The following MROH1 variants were observed in gnomAD, a reference collection of about 807,000 sequenced individuals.
The protein encoded by MROH1 is maestro heat-like repeat-containing protein family member 1.
Under a neutral mutation model 116.5 loss-of-function variants are expected in MROH1, and 117 were observed. The observed-to-expected ratio is 1.00, with a 90% confidence interval of 0.86 to 1.17. The LOEUF is 1.17. Among genes scored for constraint, MROH1 ranks in the 50% most tolerant of loss-of-function variants. The pLI is 0.00. For synonymous variants in MROH1, 921 were observed against 583.9 expected, an observed-to-expected ratio of 1.58 and a Z score of -8.32; for missense variants, 1,873 against 1,338.5, an observed-to-expected ratio of 1.40 and a Z score of -6.23.
intron 7 of MROH1, among the ~76,000 whole-genome samples, chr8:144,181,253 C>G (rs905690091): frequency 5.1e-5 from 1 of 19,676 alleles, no homozygotes; most frequent in Non-Finnish European, 9.2e-5. Flanking sequence ...GCCGTTAGTT[C>G]CAGGCAGCAG....
intron 32 of MROH1, among the ~76,000 whole-genome samples, chr8:144,249,562 C>A (rs1842492153): frequency 6.6e-6 from 1 of 152,138 alleles, no homozygotes; most frequent in Non-Finnish European, 1.5e-5. Context: ...CAAGGCCGTC[C>A]CCCAGAGTGA....
intron 1 of MROH1, among the ~76,000 whole-genome samples, chr8:144,153,589 T>G (rs1817364716): frequency 6.6e-6 from 1 of 152,162 alleles, no homozygotes; most frequent in Non-Finnish European, 1.5e-5. Context: ...ATATGCCACA[T>G]TTTCTTTATT....
At position 144,245,201 on chromosome 8, in the gene MROH1, C is replaced by T. The variant is rs1200107487; in HGVS notation, c.2812C>T (p.Arg938Trp). ...GTCCCCAAGAGGTCACGAGCGGGCGCGGGCCCTGGGCCTGAGCGCCCTCCT... is the reference window on the plus strand; with the variant it reads ...GTCCCCAAGAGGTCACGAGCGGGCGTGGGCCCTGGGCCTGAGCGCCCTCCT... The part of the protein sequence containing the change: ...IKSPRGHERA[R>W]ALGLSALLLR... The change falls in exon 29 of 44, where the codon CGG becomes TGG. Residue 938 changes from arginine (R) to tryptophan (W), a missense_variant. By Grantham distance (101) the Arg-to-Trp change is moderately radical. Transcript: ENST00000326134. The T allele has an allele frequency of 2.6e-6, 2 of 779,244 alleles. No homozygotes were observed. Among genetic ancestry groups the T allele is most frequent in the Non-Finnish European group, 2.4e-6 (1 of 417,786 alleles). The allele number at this position is 779,244 out of a possible 1,614,324, so 48.3% of individuals were successfully genotyped here.
intron 7 of MROH1, among the ~76,000 whole-genome samples, chr8:144,190,120 A>C (rs1382362578): frequency 6.6e-6 from 1 of 152,190 alleles, no homozygotes; most frequent in African/African-American, 2.4e-5. Flanking sequence ...GCCTCGCCCC[A>C]GTCTGTGCCT....
intron 12 of MROH1, among the ~76,000 whole-genome samples, chr8:144,211,241 A>C (rs1339947954): frequency 6.6e-6 from 1 of 152,226 alleles, no homozygotes; most frequent in Admixed American, 6.5e-5. Context: ...GTCATGTGAT[A>C]TGTGGTATTC....
At chr8:144,162,174 T>TC in intron 2 of MROH1, among the ~76,000 whole-genome samples, 1 of 143,668 alleles carries the variant, frequency 7.0e-6, no homozygotes, top group African/African-American at 2.6e-5. Context: ...GACCTCCACC[T>TC]CCCGGGTGCA....
chr8:144,208,152 C>T (rs1173173741), intron 12 of MROH1, among the ~76,000 whole-genome samples: 1 of 152,156 alleles, frequency 6.6e-6, no homozygotes, highest in East Asian at 1.9e-4. Flanking sequence ...CCATGTTGAT[C>T]AGGCTGGTCT....
At chr8:144,178,005 C>T (rs1824482877) in intron 4 of MROH1, among the ~76,000 whole-genome samples, 2 of 151,342 alleles carry the variant, frequency 1.3e-5, no homozygotes, top group Non-Finnish European at 2.9e-5. Context: ...TGCTCTGTCG[C>T]CCAGGCTGGA....
At chr8:144,222,011 G>T (rs957106666) in intron 13 of MROH1, among the ~76,000 whole-genome samples, 1 of 124,658 alleles carries the variant, frequency 8.0e-6, no homozygotes, top group Admixed American at 8.1e-5. Flanking sequence ...GTTACTGGGC[G>T]AGGCTGGACA....
intron 12 of MROH1, chr8:144,213,055 G>A (rs754346261): frequency 9.0e-6 from 7 of 779,576 alleles, no homozygotes; most frequent in South Asian, 6.7e-5. Flanking sequence ...TGAAACATGA[G>A]GACTGCCCTG....
chr8:144,234,119 C>T (rs1022787193), intron 14 of MROH1, among the ~76,000 whole-genome samples: 16 of 152,124 alleles, frequency 1.1e-4, no homozygotes, highest in African/African-American at 2.4e-4. Context: ...ACGCCATTCT[C>T]CTGCCTCAGC....
At chr8:144,259,708 G>T (rs1264550214) in intron 37 of MROH1, among the ~76,000 whole-genome samples, 1 of 152,272 alleles carries the variant, frequency 6.6e-6, no homozygotes, top group South Asian at 2.1e-4. Flanking sequence ...CCAAGGCCGT[G>T]CAGCAGAGCA....
intron 11 of MROH1, among the ~76,000 whole-genome samples, chr8:144,199,652 G>C (rs914964284): frequency 8.5e-5 from 13 of 152,210 alleles, no homozygotes. Flanking sequence ...CCTATGCCCT[G>C]CACAGGCCCT....
chr8:144,201,404 T>C (rs1219544206), intron 12 of MROH1, among the ~76,000 whole-genome samples: 1 of 152,110 alleles, frequency 6.6e-6, no homozygotes, highest in African/African-American at 2.4e-5. Context: ...AAACATACCA[T>C]TTTTCACAAG....
chr8:144,253,796 G>A (rs1199332265), intron 33 of MROH1, among the ~76,000 whole-genome samples: 1 of 152,030 alleles, frequency 6.6e-6, no homozygotes, highest in African/African-American at 2.4e-5. Flanking sequence ...TCCTAGTTCA[G>A]TGGAGTTTGC....
At chr8:144,181,117 C>T (rs978344360) in intron 7 of MROH1, among the ~76,000 whole-genome samples, 9 of 152,176 alleles carry the variant, frequency 5.9e-5, no homozygotes, top group East Asian at 1.9e-4. Flanking sequence ...TCACAGCCCA[C>T]GGCCTCGTGC....
chr8:144,218,176 C>G (rs1433969789), intron 12 of MROH1, among the ~76,000 whole-genome samples: 1 of 152,160 alleles, frequency 6.6e-6, no homozygotes, highest in Non-Finnish European at 1.5e-5. Flanking sequence ...TGGCAGTTTG[C>G]TGTCATAAAC....
chr8:144,249,980 C>T (rs1403795704), intron 32 of MROH1, among the ~76,000 whole-genome samples: 3 of 152,226 alleles, frequency 2.0e-5, no homozygotes, highest in African/African-American at 7.2e-5. Context: ...CCTCTACCTC[C>T]CGGGGCACTG....
chr8:144,206,588 A>G (rs2131997710), intron 12 of MROH1, among the ~76,000 whole-genome samples: 1 of 151,390 alleles, frequency 6.6e-6, no homozygotes, highest in African/African-American at 2.4e-5. Flanking sequence ...ACACCCGGCT[A>G]ATTTTTGTAT....
Sources: gnomAD v4.1 joint callset for allele counts (sites outside exome capture counted in the v4.1 genomes callset) on GRCh38, gnomAD v4.1.1 for gene constraint, MANE v1.5 for transcripts, NCBI Gene and HGNC (gene_info 2026-07-23, HGNC 2026-07-21) for gene names.